NRAP: variants seen among roughly 807,000 people sequenced by gnomAD.
The protein encoded by NRAP is nebulin-related-anchoring protein.
Under a neutral mutation model 225.9 loss-of-function variants are expected in NRAP, and 189 were observed. The ratio of observed to expected loss-of-function variants is 0.84; its 90% CI spans 0.74 to 0.94. The LOEUF (loss-of-function observed/expected upper bound fraction) is 0.94, where lower values mean the gene tolerates loss of function less well. Among genes scored for constraint, NRAP ranks in the 40% least tolerant of loss-of-function variants. The pLI, the probability that NRAP is intolerant of heterozygous loss-of-function variation, is 0.00. For missense variants in NRAP, 2,176 were observed against 2,168.7 expected, an observed-to-expected ratio of 1.00 and a Z score of -0.07; for synonymous variants, 769 against 790.7, an observed-to-expected ratio of 0.97 and a Z score of 0.46.
chr10:113,609,552 T>G (rs966238182), intron 31 of NRAP, among the ~76,000 whole-genome samples: 11 of 152,232 alleles, frequency 7.2e-5, no homozygotes, highest in African/African-American at 2.4e-4. Context: ...CTTAGAATTC[T>G]AAGACTTCTT....
At chr10:113,626,240 G>GGTCCAAGCATTGT (rs1564731337) in intron 20 of NRAP, 95 bp from the exon 21 acceptor site, 1 of 773,760 alleles carries the variant, frequency 1.3e-6, no homozygotes, top group East Asian at 2.8e-5. Context: ...TTCTTTCTGT[G>GGTCCAAGCATTGT]GTCCAAGCAT....
At chr10:113,618,046 A>G (rs1315676093) in intron 25 of NRAP, among the ~76,000 whole-genome samples, 3 of 152,110 alleles carry the variant, frequency 2.0e-5, no homozygotes, top group Non-Finnish European at 4.4e-5. Flanking sequence ...ATTAGAGCCT[A>G]GTTCAGTTAA....
chr10:113,619,723 G>A (rs1200136847), intron 25 of NRAP, among the ~76,000 whole-genome samples: 1 of 151,900 alleles, frequency 6.6e-6, no homozygotes. Context: ...AGAAAGACCA[G>A]GCCTACTCTG....
chr10:113,614,229 T>C lies in NRAP; in HGVS notation c.3254A>G (p.Asp1085Gly), dbSNP rs878906717. 3 of 1,614,104 alleles carry C rather than the reference T, an allele frequency of 1.9e-6. No individual in the cohort carries two copies. Among genetic ancestry groups the C allele is most frequent in the South Asian group, 2.2e-5 (2 of 91,074 alleles). ...QMLGSRSLEDDISLAHSVYAT... is the reference protein window; with the variant it reads ...QMLGSRSLEDGISLAHSVYAT... ...ATACACTGAATGTGCAAGGCTGATA[T>C]CATCTTCCAAGCTCCGGGAACCAAG... The change falls in exon 29 of 42, where the codon GAT becomes GGT. Residue 1085 changes from aspartate to glycine, a missense_variant. Physicochemically the swap from Asp to Gly is moderately conservative, Grantham distance 94. Coordinates refer to ENST00000359988, the MANE Select transcript of NRAP (RefSeq NM_198060.4).
At chr10:113,592,425 C>T (rs1175114058) in intron 38 of NRAP, 124 bp from the exon 39 acceptor site, 2 of 545,822 alleles carry the variant, frequency 3.7e-6, no homozygotes, top group South Asian at 6.1e-5. Flanking sequence ...GCCTATAGCT[C>T]CATGTCCACC....
Position 113,589,308 on chromosome 10 carries a change from G to A in NRAP, c.5089-229C>T, listed in dbSNP as rs1030536592. On this transcript the variant is annotated intron_variant, in intron 41 of 41. Coordinates refer to ENST00000359988, the MANE Select transcript of NRAP (RefSeq NM_198060.4). ...TGGCTTCTTTCTTCTGAACAAAGTA[G>A]GGTTCAAAATGCAGACTGTCATATC... 17 of 578,252 alleles carry A rather than the reference G, an allele frequency of 2.9e-5. No individual in the cohort carries two copies. In the South Asian group the frequency reaches 3.0e-4, roughly 10 times the overall value. 35.8% of individuals were successfully genotyped at this position (578,252 alleles called of 1,614,324 possible). A position where few individuals can be genotyped will look rare whatever the true frequency, so the allele number is the denominator to read the frequency against.
At chr10:113,629,233 C>A (rs1216738187) in intron 19 of NRAP, among the ~76,000 whole-genome samples, 1 of 152,242 alleles carries the variant, frequency 6.6e-6, no homozygotes, top group Admixed American at 6.5e-5. Context: ...ACTGCTGAGA[C>A]ACCGCAACCT....
intron 35 of NRAP, among the ~76,000 whole-genome samples, chr10:113,604,153 G>A (rs913007452): frequency 1.3e-5 from 2 of 152,052 alleles, no homozygotes; most frequent in Non-Finnish European, 2.9e-5. Context: ...GTCTTGTGCT[G>A]TCACCCAGGC....
intron 35 of NRAP, among the ~76,000 whole-genome samples, chr10:113,600,983 G>A (rs1259218354): frequency 6.6e-6 from 1 of 152,208 alleles, no homozygotes; most frequent in East Asian, 1.9e-4. Flanking sequence ...GCTGTATGCA[G>A]AGAGGCTGGG....
chr10:113,589,636 C>T (rs551118310), intron 41 of NRAP, 30 bp downstream of exon 41: 3 of 1,454,194 alleles, frequency 2.1e-6, no homozygotes, highest in African/African-American at 5.6e-5. Context: ...GCCTTGCAAG[C>T]CAGGGGTGGC....
intron 32 of NRAP, among the ~76,000 whole-genome samples, chr10:113,607,476 G>A (rs1013542168): frequency 6.8e-6 from 1 of 148,124 alleles, no homozygotes; most frequent in Admixed American, 6.7e-5. Flanking sequence ...AAAGAAATGG[G>A]TCTATGGTTG....
At chr10:113,624,799 C>G (rs1848194493) in intron 22 of NRAP, 27 bp downstream of exon 22, 1 of 1,548,234 alleles carries the variant, frequency 6.5e-7, no homozygotes, top group South Asian at 1.1e-5. Flanking sequence ...GAGCAGAGTT[C>G]TTGCTGCCCA....
intron 41 of NRAP, 115 bp from the exon 42 acceptor site, chr10:113,589,194 C>T: frequency 7.6e-6 from 6 of 784,882 alleles, no homozygotes; most frequent in Non-Finnish European, 1.2e-5. Flanking sequence ...GGCTCACCCT[C>T]CCTTTCCTTT....
At chr10:113,607,420 A>G (rs1209423380) in intron 32 of NRAP, among the ~76,000 whole-genome samples, 4 of 142,464 alleles carry the variant, frequency 2.8e-5, no homozygotes, top group African/African-American at 8.1e-5. Context: ...AAAAAAAAAA[A>G]AAAAAAAAAA....
chr10:113,658,255 T>A (rs12251634), intron 3 of NRAP, among the ~76,000 whole-genome samples: 25,142 of 152,148 alleles, frequency 0.17, 2,401 homozygotes, highest in Middle Eastern at 0.26. Context: ...ATAGAGTAAG[T>A]CTGCTTTTAT....
At chr10:113,593,474 C>T (rs1333979423) in intron 38 of NRAP, among the ~76,000 whole-genome samples, 5 of 152,166 alleles carry the variant, frequency 3.3e-5, no homozygotes, top group East Asian at 1.9e-4. Context: ...CCTCCATCCT[C>T]GCCTCTGACT....
intron 18 of NRAP, among the ~76,000 whole-genome samples, chr10:113,630,810 C>T (rs1182887213): frequency 6.6e-6 from 1 of 152,198 alleles, no homozygotes; most frequent in Non-Finnish European, 1.5e-5. Flanking sequence ...TTTAATGACT[C>T]ATTGGATAAT....
chr10:113,593,648 G>A (rs933770909), intron 38 of NRAP, among the ~76,000 whole-genome samples: 1 of 152,230 alleles, frequency 6.6e-6, no homozygotes, highest in Non-Finnish European at 1.5e-5. Context: ...AGGACTGAAA[G>A]ACATGTAGGA....
chr10:113,642,081 G>T (rs1233569599), intron 12 of NRAP, among the ~76,000 whole-genome samples: 1 of 152,038 alleles, frequency 6.6e-6, no homozygotes, highest in East Asian at 1.9e-4. Flanking sequence ...CCTAACCTGG[G>T]AGGCCATTGC....
Sources: allele counts gnomAD v4.1 joint callset (sites outside exome capture counted in the v4.1 genomes callset), GRCh38; gene constraint gnomAD v4.1.1; transcripts MANE v1.5; gene names NCBI Gene and HGNC (gene_info 2026-07-23, HGNC 2026-07-21).